The following KLHL18 variants were observed in gnomAD, a reference collection of about 807,000 sequenced individuals.
The protein encoded by KLHL18 is kelch like family member 18.
KLHL18 carries 38 observed loss-of-function variants against 58.5 expected under a neutral mutation model. The ratio of observed to expected loss-of-function variants is 0.65; its 90% CI spans 0.50 to 0.85. KLHL18 has a LOEUF of 0.85. KLHL18 is among the 40% of genes least tolerant of loss of function. The pLI is 0.00. For missense variants in KLHL18, 624 were observed against 778.4 expected, an observed-to-expected ratio of 0.80 and a Z score of 2.36; for synonymous variants, 303 against 301.9, an observed-to-expected ratio of 1.00 and a Z score of -0.04.
intron 3 of KLHL18, among the ~76,000 whole-genome samples, chr3:47,328,291 A>G (rs1703772163): frequency 6.6e-6 from 1 of 151,750 alleles, no homozygotes; most frequent in Non-Finnish European, 1.5e-5. Context: ...ACTTGAGCTC[A>G]AGAGGTCAAG....
chr3:47,309,531 G>A (rs1703240642), intron 1 of KLHL18, among the ~76,000 whole-genome samples: 1 of 152,098 alleles, frequency 6.6e-6, no homozygotes, highest in African/African-American at 2.4e-5. Flanking sequence ...CAGCCGGGCA[G>A]AGGGGCTCCT....
intron 1 of KLHL18, among the ~76,000 whole-genome samples, chr3:47,316,715 GTA>G (rs1163789490): frequency 9.2e-3 from 114 of 12,346 alleles, no homozygotes; most frequent in African/African-American, 0.022. Context: ...ACGTATATAT[GTA>G]TATGTGTGTG....
intron 8 of KLHL18, among the ~76,000 whole-genome samples, chr3:47,341,536 G>A (rs2107665408): frequency 6.6e-6 from 1 of 152,284 alleles, no homozygotes; most frequent in Admixed American, 6.5e-5. Context: ...AGGGTAGCAG[G>A]GATGTCTTCC....
intron 5 of KLHL18, among the ~76,000 whole-genome samples, chr3:47,333,842 C>G (rs1007332519): frequency 8.5e-5 from 13 of 152,346 alleles, no homozygotes; most frequent in African/African-American, 2.9e-4. Context: ...CAACATGGTA[C>G]AGCAGAGTTA....
chr3:47,292,409 G>A (rs938005853), intron 1 of KLHL18, among the ~76,000 whole-genome samples: 1 of 151,850 alleles, frequency 6.6e-6, no homozygotes, highest in Non-Finnish European at 1.5e-5. Flanking sequence ...AGGAGGCAGA[G>A]GTTGCAGTGA....
chr3:47,319,136 A>G (rs1305340190), intron 1 of KLHL18, among the ~76,000 whole-genome samples: 1 of 152,204 alleles, frequency 6.6e-6, no homozygotes, highest in African/African-American at 2.4e-5. Context: ...TGCTAGCCAT[A>G]CAGAGCAGCA....
intron 2 of KLHL18, among the ~76,000 whole-genome samples, chr3:47,322,216 CATG>C (rs1051427806): frequency 7.2e-5 from 11 of 152,120 alleles, no homozygotes; most frequent in African/African-American, 1.9e-4. Flanking sequence ...AAACAATAAA[CATG>C]AAGACAGTGT....
chr3:47,283,203 A>T, intron 1 of KLHL18, 109 bp downstream of exon 1: 2 of 514,250 alleles, frequency 3.9e-6, no homozygotes, highest in Non-Finnish European at 5.5e-6. Flanking sequence ...GGTGGGGAGA[A>T]GAGGTGTGAG....
chr3:47,304,399 A>T (rs940522774), intron 1 of KLHL18, among the ~76,000 whole-genome samples: 4 of 152,008 alleles, frequency 2.6e-5, no homozygotes, highest in Admixed American at 6.6e-5. Flanking sequence ...GCTACTCGGG[A>T]GCCTGAGGTA....
chr3:47,300,725 C>T (rs959388130), intron 1 of KLHL18, among the ~76,000 whole-genome samples: 9 of 139,456 alleles, frequency 6.5e-5, no homozygotes, highest in South Asian at 4.7e-4. Context: ...CTGCAACCTC[C>T]GCCTCCCAGG....
rs772036093 is a variant in KLHL18 at position 47,343,641 on chromosome 3, G to C, written c.1425G>C (p.Leu475=). ...GCTGCCGGCACGGAGCCGCCTCCCT[G>C]GGGAGCAAGATGTTTGTCTGCGGGG... is the stretch of plus-strand genomic sequence containing the variant. ...NKRCRHGAAS[L]GSKMFVCGGY... The change falls in exon 10 of 10, where the codon CTG becomes CTC. Residue 475 remains leucine, a synonymous_variant. Transcript: ENST00000232766. The C allele has an allele frequency of 6.2e-7, 1 of 1,614,084 alleles. No homozygotes were observed. The highest frequency in any genetic ancestry group is 8.5e-7 in the Non-Finnish European group (1 of 1,180,032).
chr3:47,341,715 A>G (rs576391206), intron 8 of KLHL18, among the ~76,000 whole-genome samples: 1 of 152,068 alleles, frequency 6.6e-6, no homozygotes, highest in South Asian at 2.1e-4. Flanking sequence ...GGTGGGTGGC[A>G]TGTGGTGTGG....
At chr3:47,287,028 A>G (rs1283897134) in intron 1 of KLHL18, among the ~76,000 whole-genome samples, 2 of 152,198 alleles carry the variant, frequency 1.3e-5, no homozygotes, top group African/African-American at 4.8e-5. Flanking sequence ...ACAACTTCAG[A>G]GGAAACTGGT....
Position 47,330,152 on chromosome 3 carries a change from A to G in KLHL18, c.600+3A>G. On this transcript the variant is annotated splice_donor_region_variant and intron_variant, in intron 4 of 9. Transcript: ENST00000232766. The stretch of plus-strand genomic sequence containing the variant: ...TGAATGTCAAATCTGAGGAGCAGGT[A>G]TGTGAGCCCAGTAGCAGTCTGTGCA... The G allele has an allele frequency of 6.2e-7, 1 of 1,613,828 alleles. No individual in the cohort carries two copies. The highest frequency in any genetic ancestry group is 8.5e-7 in the Non-Finnish European group (1 of 1,179,734).
chr3:47,321,322 C>G (rs533290311), intron 2 of KLHL18, among the ~76,000 whole-genome samples: 1 of 149,784 alleles, frequency 6.7e-6, no homozygotes, highest in African/African-American at 2.5e-5. Context: ...AGGCACCTGC[C>G]GTTTTTTTTT....
chr3:47,296,951 C>A (rs1702908904), intron 1 of KLHL18, among the ~76,000 whole-genome samples: 1 of 152,160 alleles, frequency 6.6e-6, no homozygotes, highest in African/African-American at 2.4e-5. Context: ...AGGACTCTGC[C>A]CACTTCTCTC....
At chr3:47,340,519 G>A (rs911300437) in intron 7 of KLHL18, 53 bp from the exon 8 acceptor site, 16 of 1,611,874 alleles carry the variant, frequency 9.9e-6, no homozygotes, top group Admixed American at 1.7e-5. Context: ...GGCAAGAGAG[G>A]CTGCTCCAGG....
intron 1 of KLHL18, among the ~76,000 whole-genome samples, chr3:47,317,143 C>T (rs931386456): frequency 6.6e-6 from 1 of 152,118 alleles, no homozygotes; most frequent in Non-Finnish European, 1.5e-5. Flanking sequence ...GATGGAATCT[C>T]GTTCTTCTTG....
At chr3:47,299,070 C>T (rs1021374466) in intron 1 of KLHL18, among the ~76,000 whole-genome samples, 2 of 152,178 alleles carry the variant, frequency 1.3e-5, no homozygotes, top group African/African-American at 4.8e-5. Flanking sequence ...TTATGTCATA[C>T]AGTTTGTGTA....
Sources: allele counts gnomAD v4.1 joint callset (sites outside exome capture counted in the v4.1 genomes callset), GRCh38; gene constraint gnomAD v4.1.1; transcripts MANE v1.5; gene names NCBI Gene and HGNC (gene_info 2026-07-23, HGNC 2026-07-21).